FER1L5: variants seen among roughly 807,000 people sequenced by gnomAD.
FER1L5 encodes the protein fer-1-like protein 5.
Under a neutral mutation model 279.9 loss-of-function variants are expected in FER1L5, and 187 were observed. The observed-to-expected ratio is 0.67, with a 90% confidence interval of 0.59 to 0.75. FER1L5 has a LOEUF of 0.75. FER1L5 is among the 30% of genes least tolerant of loss of function. The probability of loss-of-function intolerance (pLI) is 0.00; values close to 1 mark genes in which losing one functional copy is unlikely to be tolerated. For synonymous variants in FER1L5, 921 were observed against 989.7 expected, an observed-to-expected ratio of 0.93 and a Z score of 1.30; for missense variants, 2,091 against 2,594.4, an observed-to-expected ratio of 0.81 and a Z score of 4.21.
intron 4 of FER1L5, among the ~76,000 whole-genome samples, chr2:96,649,378 C>T (rs1018119116): frequency 6.6e-6 from 1 of 152,190 alleles, no homozygotes; most frequent in Non-Finnish European, 1.5e-5. Context: ...CCACCATCAC[C>T]ACCATGTGGC....
intron 18 of FER1L5, 111 bp from the exon 19 acceptor site, chr2:96,672,966 G>A: frequency 5.1e-6 from 7 of 1,359,456 alleles, no homozygotes; most frequent in Non-Finnish European, 7.0e-6. Context: ...GAGAGGGAGA[G>A]AAGGGAAGAT....
rs375000248 is a variant in FER1L5 at position 96,663,203 on chromosome 2, G to A, written c.1072-236G>A. 6.6e-5 allele frequency among the ~76,000 whole-genome samples: 10 copies of A among 152,280 alleles called. No homozygotes were observed. In the East Asian group the frequency reaches 1.5e-3, roughly 23 times the overall value. On this transcript the variant is annotated intron_variant, in intron 13 of 52. Transcript: ENST00000624922. ...TATTTAAAAATGAAGTCTATTGAAA[G>A]CTGACTTAAGGAAAAATATGAGGAA... is the stretch of plus-strand genomic sequence containing the variant.
chr2:96,679,502 G>A (rs138056790), intron 19 of FER1L5, among the ~76,000 whole-genome samples: 2,553 of 152,156 alleles, frequency 0.017, 46 homozygotes, highest in Non-Finnish European at 0.022. Flanking sequence ...GATTACAGGC[G>A]TGAGCCACCG....
In FER1L5 at chr2:96,698,964, TCCACCCTCCTC is replaced by T. The variant is rs1180914445; in HGVS notation, c.4519-71_4519-61del. 9.1e-5 allele frequency: 139 copies of T among 1,534,076 alleles called. No homozygotes were observed. The South Asian group carries it at 1.0e-3, about 11-fold the overall frequency. On this transcript the variant is annotated intron_variant, in intron 41 of 52. Transcript: ENST00000624922. The surrounding 1 kb of genome is among the most constrained non-coding windows in gnomAD (Gnocchi z 5.5). Reference sequence around the variant, plus strand: ...CTCCGTGTGGTGCGAGGGGCTTGTTTCCACCCTCCTCCCACCCTCCCTGACAAACCTGGACG... The same window carrying T: ...CTCCGTGTGGTGCGAGGGGCTTGTTTCCACCCTCCCTGACAAACCTGGACG...
In FER1L5 at chr2:96,689,707, C is replaced by T. The variant is rs1483860824; in HGVS notation, c.2589C>T (p.Gly863=). The change falls in exon 26 of 53, where the codon GGC becomes GGT. Residue 863 remains glycine, a synonymous_variant. Coordinates refer to ENST00000624922, the MANE Select transcript of FER1L5 (RefSeq NM_001293083.2). This position sits in a 1 kb window ranked among gnomAD's most constrained non-coding sequence, Gnocchi z 4.6. ...QVLEEVYENQ[G]RDTRGAWGPA... is the part of the protein sequence containing the mutation. Reference sequence around the variant, plus strand: ...TGGAGGAGGTATATGAGAACCAGGGCCGTGACACCAGAGGGGCCTGGGGGC... The same window carrying T: ...TGGAGGAGGTATATGAGAACCAGGGTCGTGACACCAGAGGGGCCTGGGGGC... The T allele has an allele frequency of 6.4e-7, 1 of 1,550,614 alleles. No individual in the cohort carries two copies. The highest frequency in any genetic ancestry group is 8.7e-7 in the Non-Finnish European group (1 of 1,146,814).
Position 96,687,823 on chromosome 2 carries a change from A to G in FER1L5, c.2237A>G (p.Glu746Gly). 6.4e-7 allele frequency: 1 copy of G among 1,551,130 alleles called. No homozygotes were observed. The highest frequency in any genetic ancestry group is 1.2e-5 in the South Asian group (1 of 84,066). ...GATCGGCCTCTGGCTCAGTACCCAG[A>G]GGGTGAAGGACAGAAGGATGTGCTC... ...KIQTLFLQYP[E>G]GEGQKDVLPA... Residue 746 changes from glutamate (E) to glycine (G), a missense_variant, in exon 24 of 53, where the codon GAG (glutamate) becomes GGG (glycine). Coordinates refer to ENST00000624922, the MANE Select transcript of FER1L5 (RefSeq NM_001293083.2).
At position 96,704,324 on chromosome 2, in the gene FER1L5, A is replaced by G. The variant is rs747358282; in HGVS notation, c.5911A>G (p.Ile1971Val). The stretch of plus-strand genomic sequence containing the variant: ...CATAGCCTTTATGGTCATATCGATT[A>G]TAGCACTTATGCTGTTTAACTTCAT... The part of the protein sequence containing the change: ...KLIAFMVISI[I>V]ALMLFNFIYS... Residue 1971 changes from isoleucine to valine, a missense_variant, in exon 52 of 53, where the codon ATA (isoleucine) becomes GTA (valine). Transcript: ENST00000624922. The G allele has an allele frequency of 6.2e-7, 1 of 1,614,010 alleles. No individual in the cohort carries two copies. Among genetic ancestry groups the G allele is most frequent in the Non-Finnish European group, 8.5e-7 (1 of 1,179,886 alleles).
intron 32 of FER1L5, 45 bp from the exon 33 acceptor site, chr2:96,693,866 C>T (rs2077253894): frequency 2.7e-6 from 4 of 1,509,194 alleles, no homozygotes; most frequent in Non-Finnish European, 8.9e-7. Flanking sequence ...CAGAGCTGGG[C>T]CCTGCCAGCA....
chr2:96,652,163 G>A (rs1316455022), intron 7 of FER1L5, 143 bp downstream of exon 7: 4 of 1,199,900 alleles, frequency 3.3e-6, no homozygotes, highest in African/African-American at 1.5e-5. Context: ...TGAGGGCCAA[G>A]CACTGAAAAT....
chr2:96,688,011 G>T lies in FER1L5; in HGVS notation c.2361+64G>T, dbSNP rs904606103. The T allele has an allele frequency of 7.5e-5, 115 of 1,537,182 alleles. 1 individual carries two copies. The highest frequency in any genetic ancestry group is 9.0e-5 in the Non-Finnish European group (102 of 1,136,574). On this transcript the variant is annotated intron_variant, in intron 24 of 52. Transcript: ENST00000624922. ...GCGGGGGTGGGGGTAGGGTGGCCTCGTAGGGAAGAGATGGCCTCCCTGCAG... is the reference window on the plus strand; with the variant it reads ...GCGGGGGTGGGGGTAGGGTGGCCTCTTAGGGAAGAGATGGCCTCCCTGCAG...
At chr2:96,662,338 C>A in intron 13 of FER1L5, 71 bp downstream of exon 13, 1 of 1,423,532 alleles carries the variant, frequency 7.0e-7, no homozygotes, top group East Asian at 2.5e-5. Flanking sequence ...AGGAGGGTGG[C>A]CTGGTGGGCA....
intron 31 of FER1L5, 144 bp from the exon 32 acceptor site, chr2:96,693,362 T>G (rs2077231776): frequency 8.1e-6 from 6 of 737,586 alleles, no homozygotes; most frequent in Non-Finnish European, 1.1e-5. Context: ...TGCAGCTGAC[T>G]CTGAGGGGGC....
intron 14 of FER1L5, among the ~76,000 whole-genome samples, chr2:96,665,024 GA>G: frequency 6.6e-6 from 1 of 152,282 alleles, no homozygotes; most frequent in Non-Finnish European, 1.5e-5. Context: ...GTCTGATTTT[GA>G]TCGCCTTTCA....
intron 45 of FER1L5, among the ~76,000 whole-genome samples, chr2:96,700,810 G>A (rs566201051): frequency 4.6e-5 from 7 of 152,278 alleles, no homozygotes; most frequent in South Asian, 2.1e-4. Flanking sequence ...GTCAGACAGC[G>A]CAGACATGAC....
chr2:96,642,825 T>G lies in FER1L5; in HGVS notation c.-12T>G, dbSNP rs777767030. 1.9e-6 allele frequency: 3 copies of G among 1,549,992 alleles called. No individual in the cohort carries two copies. Among genetic ancestry groups the G allele is most frequent in the Non-Finnish European group, 2.6e-6 (3 of 1,146,226 alleles). Reference sequence around the variant, plus strand: ...CTGCGTAGGGAAGGAGGGAAGAAAGTAGGTCTCCGAGATGCTGCGGCTTGT... The same window carrying G: ...CTGCGTAGGGAAGGAGGGAAGAAAGGAGGTCTCCGAGATGCTGCGGCTTGT... On this transcript the variant is annotated 5_prime_UTR_variant, in exon 1 of 53. Transcript: ENST00000624922.
intron 12 of FER1L5, 63 bp downstream of exon 12, chr2:96,661,854 T>C (rs183108168): frequency 6.5e-6 from 10 of 1,543,322 alleles, no homozygotes; most frequent in South Asian, 1.2e-5. Flanking sequence ...ATACCCTGGA[T>C]CCTCATGGAG....
intron 7 of FER1L5, 169 bp downstream of exon 7, chr2:96,652,189 TCAGAGC>T: frequency 4.2e-6 from 4 of 944,064 alleles, no homozygotes; most frequent in South Asian, 1.7e-5. Flanking sequence ...ACAGTATAAC[TCAGAGC>T]CCTGTATCTG....
chr2:96,649,302 T>C (rs1034766225), intron 4 of FER1L5, among the ~76,000 whole-genome samples: 9 of 152,056 alleles, frequency 5.9e-5, no homozygotes, highest in Non-Finnish European at 1.3e-4. Context: ...GAAGAGCTGC[T>C]AGCATCTGTG....
chr2:96,663,339 G>C (rs909913502), intron 13 of FER1L5, 100 bp from the exon 14 acceptor site: 2 of 1,090,190 alleles, frequency 1.8e-6, no homozygotes, highest in South Asian at 1.3e-5. Flanking sequence ...CCTCTGTGCT[G>C]TGGTGTCCAC....
Sources: gnomAD v4.1 joint callset for allele counts (sites outside exome capture counted in the v4.1 genomes callset) on GRCh38, gnomAD v4.1.1 for gene constraint, Gnocchi (gnomAD v3.1) non-coding constraint, MANE v1.5 for transcripts, NCBI Gene and HGNC (gene_info 2026-07-23, HGNC 2026-07-21) for gene names.